KLB: variants seen among roughly 807,000 people sequenced by gnomAD.
The protein encoded by KLB is klotho beta.
KLB carries 44 observed loss-of-function variants against 88.4 expected under a neutral mutation model. That is an observed-to-expected ratio of 0.50 (90% CI 0.39 to 0.64). The LOEUF (loss-of-function observed/expected upper bound fraction) is 0.64, where lower values mean the gene tolerates loss of function less well. KLB is among the 30% of genes least tolerant of loss of function. The probability of loss-of-function intolerance (pLI) is 0.00; values close to 1 mark genes in which losing one functional copy is unlikely to be tolerated. For synonymous variants in KLB, 548 were observed against 513.4 expected, an observed-to-expected ratio of 1.07 and a Z score of -0.91; for missense variants, 1,137 against 1,304.8, an observed-to-expected ratio of 0.87 and a Z score of 1.98.
At position 39,434,473 on chromosome 4, in the gene KLB, G is replaced by A; in HGVS notation, c.1089G>A (p.Met363Ile). 6.2e-7 allele frequency: 1 copy of A among 1,614,236 alleles called. No individual in the cohort carries two copies. The highest frequency in any genetic ancestry group is 2.2e-5 in the East Asian group (1 of 44,882). The change falls in exon 2 of 5, where the codon ATG (methionine) becomes ATA (isoleucine). Residue 363 changes from methionine (M) to isoleucine (I), a missense_variant. Physicochemically the swap from Met to Ile is conservative, Grantham distance 10. This residue lies in a region of KLB where 597 missense variants were observed against 765.2 expected (regional missense o/e 0.78). Coordinates refer to ENST00000257408, the MANE Select transcript of KLB (RefSeq NM_175737.4). ...PIFSEAEKHE[M>I]RGTADFFAFS... ...TCTCTGAAGCAGAGAAGCATGAGAT[G>A]AGAGGCACAGCTGATTTCTTTGCCT...
At chr4:39,413,301 T>C (rs1041243999) in intron 1 of KLB, among the ~76,000 whole-genome samples, 7 of 152,242 alleles carry the variant, frequency 4.6e-5, no homozygotes, top group Non-Finnish European at 7.3e-5. Context: ...AATTTAAATT[T>C]GTACATTTCC....
At position 39,448,425 on chromosome 4, in the gene KLB, C is replaced by T. The variant is rs147499247; in HGVS notation, c.2874C>T (p.Tyr958=). 1.7e-3 allele frequency: 2,733 copies of T among 1,614,136 alleles called. 9 individuals are homozygous for T. The highest frequency in any genetic ancestry group is 2.0e-3 in the Admixed American group (119 of 60,012). ...DFKAKSSIQF[Y]NKVISSRGFP... ...AAGCTAAATCCTCAATACAATTTTA[C>T]AACAAAGTGATCAGCAGCAGGGGCT... Residue 958 remains tyrosine, a synonymous_variant, in exon 5 of 5, where the codon TAC becomes TAT. Coordinates refer to ENST00000257408, the MANE Select transcript of KLB (RefSeq NM_175737.4).
intron 2 of KLB, among the ~76,000 whole-genome samples, chr4:39,436,690 G>A (rs373951592): frequency 6.6e-6 from 1 of 151,750 alleles, no homozygotes; most frequent in African/African-American, 2.4e-5. Context: ...TTGGACTGCT[G>A]TTGATTTTCT....
At chr4:39,418,305 A>G (rs866353534) in intron 1 of KLB, among the ~76,000 whole-genome samples, 1 of 152,000 alleles carries the variant, frequency 6.6e-6, no homozygotes, top group Non-Finnish European at 1.5e-5. Context: ...CAGTGGTGCA[A>G]TCTCGGCTCA....
intron 1 of KLB, among the ~76,000 whole-genome samples, chr4:39,416,926 G>T (rs1742977034): frequency 6.6e-6 from 1 of 152,050 alleles, no homozygotes; most frequent in Non-Finnish European, 1.5e-5. Flanking sequence ...GCACATTTAA[G>T]TAAACAAAAT....
chr4:39,446,542 G>T lies in KLB; in HGVS notation c.1816G>T (p.Val606Phe), dbSNP rs1256749834. The change falls in exon 4 of 5, where the codon GTC becomes TTC. Residue 606 changes from valine (V) to phenylalanine (F), a missense_variant. Physicochemically the swap from Val to Phe is conservative, Grantham distance 50. This residue lies in a region of KLB where 597 missense variants were observed against 765.2 expected (regional missense o/e 0.78). Coordinates refer to ENST00000257408, the MANE Select transcript of KLB (RefSeq NM_175737.4). The surrounding 1 kb of genome is among the most constrained non-coding windows in gnomAD (Gnocchi z 6.4). ...HYRFALDWAS[V>F]LPTGNLSAVN... ...CCGGTTTGCTCTGGATTGGGCCTCGGTCCTTCCCACTGGCAACCTGTCCGC... is the reference window on the plus strand; with the variant it reads ...CCGGTTTGCTCTGGATTGGGCCTCGTTCCTTCCCACTGGCAACCTGTCCGC... 6.2e-7 allele frequency: 1 copy of T among 1,614,202 alleles called. No homozygotes were observed. The highest frequency in any genetic ancestry group is 8.5e-7 in the Non-Finnish European group (1 of 1,180,030).
At chr4:39,444,863 C>T (rs1201835392) in intron 3 of KLB, among the ~76,000 whole-genome samples, 2 of 152,000 alleles carry the variant, frequency 1.3e-5, no homozygotes, top group Non-Finnish European at 2.9e-5. Context: ...AGATGGCAAA[C>T]GGGCAGTGAT....
chr4:39,441,156 C>T (rs971473197), intron 3 of KLB, among the ~76,000 whole-genome samples: 44 of 152,198 alleles, frequency 2.9e-4, no homozygotes, highest in African/African-American at 9.9e-4. Flanking sequence ...GCACCCAGCT[C>T]CCTGTGGATA....
rs149401187 is a variant in KLB at position 39,423,057 on chromosome 4, G to A, written c.826-11153G>A. Among the ~76,000 whole-genome samples the A allele has an allele frequency of 2.6e-3, 402 of 151,828 alleles. 10 individuals are homozygous for A. The highest frequency in any genetic ancestry group is 8.6e-3 in the African/African-American group (353 of 41,114). On this transcript the variant is annotated intron_variant, in intron 1 of 4. Transcript: ENST00000257408. ...GCTGGGATTACAGGCGTGAGCCACC[G>A]CTCCCGGCCTCAGTCTAACATTGAC...
chr4:39,434,586 A>T lies in KLB; in HGVS notation c.1202A>T (p.Asn401Ile). 6.2e-7 allele frequency: 1 copy of T among 1,614,154 alleles called. No individual in the cohort carries two copies. Among genetic ancestry groups the T allele is most frequent in the South Asian group, 1.1e-5 (1 of 91,078 alleles). Residue 401 changes from asparagine to isoleucine, a missense_variant, in exon 2 of 5, where the codon AAC (asparagine) becomes ATC (isoleucine). Coordinates refer to ENST00000257408, the MANE Select transcript of KLB (RefSeq NM_175737.4). ...TCACTTAATTTAAGAGAAGCGCTGA[A>T]CTGGATTAAACTGGAATACAACAAC... ...NVSLNLREAL[N>I]WIKLEYNNPR...
Position 39,450,018 on chromosome 4 carries a change from C to T in KLB, c.*1332C>T, listed in dbSNP as rs1743856653. On this transcript the variant is annotated 3_prime_UTR_variant, in exon 5 of 5. Transcript: ENST00000257408. ...CAGGATGAAGGAAAGCTAGACTCAA[C>T]TCTGTGAATAGAAGTTGCTATACTG... The T allele has an allele frequency of 6.6e-6, 1 of 152,082 alleles. No homozygotes were observed. The highest frequency in any genetic ancestry group is 2.4e-5 in the African/African-American group (1 of 41,440). The allele number at this position is 152,082 out of a possible 1,614,324, so 9.4% of individuals were successfully genotyped here.
chr4:39,448,311 TGA>T lies in KLB; in HGVS notation c.2761_2762del (p.Asp921Ter). 6.3e-7 allele frequency: 1 copy of T among 1,587,410 alleles called. No homozygotes were observed. Among genetic ancestry groups the T allele is most frequent in the Non-Finnish European group, 8.6e-7 (1 of 1,164,954 alleles). ...TCTTATCTTTTTCAGCATACCTGAT[TGA>T]TAAAGTCAGAATCAAAGGCTATTAT... The part of the protein sequence containing the change: ...LQEVLKAYLI[D>X]KVRIKGYYAF... On this transcript the variant is annotated frameshift_variant, in exon 5 of 5. Transcript: ENST00000257408. LOFTEE classifies it low-confidence loss of function (END_TRUNC).
rs368300399 is a variant in KLB at position 39,450,861 on chromosome 4, G to GGA, written c.*2175_*2176insGA. ...CCTCTCTTTAACATCAAGGGCTTGGGAAAAAAAAAAAAAAGGTTAGCCACA... is the reference window on the plus strand; with the variant it reads ...CCTCTCTTTAACATCAAGGGCTTGGGGAAAAAAAAAAAAAAAGGTTAGCCACA... On this transcript the variant is annotated 3_prime_UTR_variant, in exon 5 of 5. Coordinates refer to ENST00000257408, the MANE Select transcript of KLB (RefSeq NM_175737.4). 5.4e-4 allele frequency: 75 copies of GGA among 139,684 alleles called. No individual in the cohort carries two copies. The highest frequency in any genetic ancestry group is 3.6e-3 in the Middle Eastern group (1 of 276). 8.7% of individuals were successfully genotyped at this position (139,684 alleles called of 1,614,324 possible).
chr4:39,434,242 A>T lies in KLB; in HGVS notation c.858A>T (p.Thr286=), dbSNP rs760427180. The T allele has an allele frequency of 1.1e-5, 17 of 1,611,950 alleles. No homozygotes were observed. The highest frequency in any genetic ancestry group is 8.5e-7 in the Non-Finnish European group (1 of 1,179,162). Residue 286 remains threonine, a synonymous_variant, in exon 2 of 5, where the codon ACA becomes ACT. Coordinates refer to ENST00000257408, the MANE Select transcript of KLB (RefSeq NM_175737.4). ...AHSKVWHNYN[T]HFRPHQKGWL... is the part of the protein sequence containing the mutation. ...CGAAAGTTTGGCATAACTACAACAC[A>T]CATTTCCGCCCACATCAGAAGGGTT... is the stretch of plus-strand genomic sequence containing the variant.
rs1463579522 is a variant in KLB at position 39,451,482 on chromosome 4, T to C, written c.*2796T>C. 6.6e-6 allele frequency: 1 copy of C among 152,236 alleles called. No individual in the cohort carries two copies. The allele number at this position is 152,236 out of a possible 1,614,324, so 9.4% of individuals were successfully genotyped here. On this transcript the variant is annotated 3_prime_UTR_variant, in exon 5 of 5. Coordinates refer to ENST00000257408, the MANE Select transcript of KLB (RefSeq NM_175737.4). ...GTGTGACTACATGTTTAATTTTCAA[T>C]GTAATTTATTCCAAATAAACTGGTT...
At chr4:39,430,423 C>G (rs533741813) in intron 1 of KLB, among the ~76,000 whole-genome samples, 1 of 56,802 alleles carries the variant, frequency 1.8e-5, no homozygotes, top group Non-Finnish European at 4.6e-5. Flanking sequence ...AAAAAAAAAG[C>G]GGTTCTCAAG....
At position 39,415,165 on chromosome 4, in the gene KLB, G is replaced by A. The variant is rs144564740; in HGVS notation, c.825+7391G>A. Among the ~76,000 whole-genome samples, 369 of 152,106 alleles carry A rather than the reference G, an allele frequency of 2.4e-3. 1 individual carries two copies. Among genetic ancestry groups the A allele is most frequent in the African/African-American group, 8.6e-3 (359 of 41,524 alleles). On this transcript the variant is annotated intron_variant, in intron 1 of 4. Coordinates refer to ENST00000257408, the MANE Select transcript of KLB (RefSeq NM_175737.4). The stretch of plus-strand genomic sequence containing the variant: ...GGGCCTTGGGTGATAGACCCGCCTC[G>A]GCCTCTCAAAGTGTTGAGATTACAG...
chr4:39,438,052 A>G, intron 3 of KLB, 57 bp downstream of exon 3: 1 of 1,493,234 alleles, frequency 6.7e-7, no homozygotes, highest in Non-Finnish European at 9.1e-7. Context: ...ACACTATTTC[A>G]TTTACTCAAT....
intron 1 of KLB, among the ~76,000 whole-genome samples, chr4:39,415,359 T>C (rs751760930): frequency 7.9e-5 from 12 of 152,186 alleles, no homozygotes; most frequent in Non-Finnish European, 1.8e-4. Flanking sequence ...CCAGGTGAAG[T>C]GGCTCATGCC....
Sources: allele counts gnomAD v4.1 joint callset (sites outside exome capture counted in the v4.1 genomes callset), GRCh38; gene constraint gnomAD v4.1.1; regional missense constraint gnomAD v4.1.1; non-coding constraint Gnocchi (gnomAD v3.1); transcripts MANE v1.5; gene names NCBI Gene and HGNC (gene_info 2026-07-23, HGNC 2026-07-21).